The following BRD3 variants were observed in gnomAD, a reference collection of about 807,000 sequenced individuals.
BRD3 encodes bromodomain-containing protein 3.
In BRD3, 17 loss-of-function variants were observed where a neutral mutation model predicts 66.8. The ratio of observed to expected loss-of-function variants is 0.25; its 90% CI spans 0.17 to 0.38. The LOEUF is 0.38. Among genes scored for constraint, BRD3 ranks in the 10% least tolerant of loss-of-function variants. The pLI is 1.00. For missense variants in BRD3, 713 were observed against 956.1 expected, an observed-to-expected ratio of 0.75 and a Z score of 3.35; for synonymous variants, 421 against 393.2, an observed-to-expected ratio of 1.07 and a Z score of -0.84.
intron 1 of BRD3, among the ~76,000 whole-genome samples, chr9:134,067,590 G>A (rs1310542083): frequency 6.8e-6 from 1 of 146,920 alleles, no homozygotes; most frequent in Non-Finnish European, 1.5e-5. Flanking sequence ...GCGCGCGGAG[G>A]CCGGGCTGGC....
Position 134,045,178 on chromosome 9 carries a change from G to A in BRD3, c.1215+115C>T. 7.2e-7 allele frequency: 1 copy of A among 1,397,892 alleles called. No individual in the cohort carries two copies. Among genetic ancestry groups the A allele is most frequent in the Non-Finnish European group, 9.7e-7 (1 of 1,035,928 alleles). The allele number at this position is 1,397,892 out of a possible 1,614,324, so 86.6% of individuals were successfully genotyped here. A position where few individuals can be genotyped will look rare whatever the true frequency, so the allele number is the denominator to read the frequency against. ...CGGGAAAAAGGTGTTGAGGGAATGA[G>A]GCTCTCTAAGGCCTTCCTCGGCTGG... is the stretch of plus-strand genomic sequence containing the variant. On this transcript the variant is annotated intron_variant, in intron 7 of 11. Transcript: ENST00000303407. This position sits in a 1 kb window ranked among gnomAD's most constrained non-coding sequence, Gnocchi z 4.8.
At position 134,030,523 on chromosome 9, in the gene BRD3, T is replaced by TTAAGAAAAGTTACGG. The variant is rs1843496726; in HGVS notation, c.*3052_*3066dup. On this transcript the variant is annotated 3_prime_UTR_variant, in exon 12 of 12. Coordinates refer to ENST00000303407, the MANE Select transcript of BRD3 (RefSeq NM_007371.4). ...TATACTAGAAACGGCACTAAAAAGT[T>TTAAGAAAAGTTACGG]TAAGAAAAGTTACGGTAAACTTGCA... 2 of 209,418 alleles carry TTAAGAAAAGTTACGG rather than the reference T, an allele frequency of 9.6e-6. No homozygotes were observed. The highest frequency in any genetic ancestry group is 1.4e-4 in the East Asian group (2 of 13,924). The allele number at this position is 209,418 out of a possible 1,614,324, so 13.0% of individuals were successfully genotyped here. A position where few individuals can be genotyped will look rare whatever the true frequency, so the allele number is the denominator to read the frequency against.
chr9:134,059,755 G>C (rs919979550), intron 1 of BRD3, among the ~76,000 whole-genome samples: 1 of 152,174 alleles, frequency 6.6e-6, no homozygotes, highest in Non-Finnish European at 1.5e-5. Flanking sequence ...GTGGTGAAGG[G>C]GCTCCCACAC....
At chr9:134,064,635 T>TG (rs1443887934) in intron 1 of BRD3, among the ~76,000 whole-genome samples, 5 of 151,918 alleles carry the variant, frequency 3.3e-5, no homozygotes, top group Non-Finnish European at 7.4e-5. Flanking sequence ...CAGAGACGGG[T>TG]GGGTCACTCA....
chr9:134,037,702 TA>T (rs1055122401), intron 9 of BRD3, among the ~76,000 whole-genome samples: 3 of 137,918 alleles, frequency 2.2e-5, no homozygotes, highest in Admixed American at 7.6e-5. Flanking sequence ...TAAATAAAAG[TA>T]AAAATTTTTT....
rs201500184 is a variant in BRD3, at chr9:134,033,675, G to A, written c.2096C>T (p.Pro699Leu). The change falls in exon 12 of 12, where the codon CCG becomes CTG. Residue 699 changes from proline to leucine, a missense_variant. Pro to Leu is a moderately conservative substitution (Grantham distance 98). This residue lies in a region of BRD3 where 42 missense variants were observed against 29.2 expected (regional missense o/e 1.44). Transcript: ENST00000303407. The surrounding 1 kb of genome is among the most constrained non-coding windows in gnomAD (Gnocchi z 5.1). ...EKPGSAPSGG[P>L]SRLSSSSSSE... ...GGAGCTGCTGCTGCTGAGCCTGGAC[G>A]GGCCCCCTGAGGGTGCTGAGCCGGG... The A allele has an allele frequency of 6.8e-5, 52 of 761,906 alleles. No individual in the cohort carries two copies. Among genetic ancestry groups the A allele is most frequent in the Non-Finnish European group, 8.3e-5 (34 of 410,354 alleles). 47.2% of individuals were successfully genotyped at this position (761,906 alleles called of 1,614,324 possible).
intron 9 of BRD3, 70 bp downstream of exon 9, chr9:134,039,964 T>C (rs1830004427): frequency 6.6e-7 from 1 of 1,521,266 alleles, no homozygotes; most frequent in African/African-American, 1.4e-5. Flanking sequence ...ATCCCAGCAC[T>C]GCTGCTACAT....
At position 134,034,724 on chromosome 9, in the gene BRD3, C is replaced by G; in HGVS notation, c.2042G>C (p.Ser681Thr). ...RLQDVSGQLSSSKKPARKEKP... is the reference protein window; with the variant it reads ...RLQDVSGQLSTSKKPARKEKP... ...ACCTTTCCGGGCGGGCTTCTTGCTG[C>G]TGCTCAGCTGCCCGCTGACATCCTG... Residue 681 changes from serine (S) to threonine (T), a missense_variant, in exon 11 of 12, where the codon AGC becomes ACC. Ser to Thr is a moderately conservative substitution (Grantham distance 58). Around this residue, in one of 5 missense-constraint regions of BRD3, gnomAD observed 418 missense variants for 609.3 expected, o/e 0.69. Transcript: ENST00000303407. 6.2e-7 allele frequency: 1 copy of G among 1,607,240 alleles called. No individual in the cohort carries two copies. Among genetic ancestry groups the G allele is most frequent in the East Asian group, 2.2e-5 (1 of 44,886 alleles).
In BRD3 at chr9:134,041,849, T is replaced by C; in HGVS notation, c.1318A>G (p.Ser440Gly). 6.2e-7 allele frequency: 1 copy of C among 1,613,014 alleles called. No homozygotes were observed. The highest frequency in any genetic ancestry group is 8.5e-7 in the Non-Finnish European group (1 of 1,179,798). Reference sequence around the variant, plus strand: ...GAAGAGCTCTCCTCACTGCTACGGCTGCTCTCAGCGCCCTTGCTCACCATG... The same window carrying C: ...GAAGAGCTCTCCTCACTGCTACGGCCGCTCTCAGCGCCCTTGCTCACCATG... ...APMVSKGAESSRSSEESSSDS... is the reference protein window; with the variant it reads ...APMVSKGAESGRSSEESSSDS... Residue 440 changes from serine (S) to glycine (G), a missense_variant, in exon 8 of 12, where the codon AGC becomes GGC. By Grantham distance (56) the Ser-to-Gly change is moderately conservative. Around this residue, in one of 5 missense-constraint regions of BRD3, gnomAD observed 418 missense variants for 609.3 expected, o/e 0.69. Transcript: ENST00000303407.
rs151326744 is a variant in BRD3, at chr9:134,052,382, T to C, written c.275A>G (p.Asn92Ser). 39 of 1,613,008 alleles carry C rather than the reference T, an allele frequency of 2.4e-5. No individual in the cohort carries two copies. In the African/African-American group the frequency reaches 4.9e-4, roughly 20 times the overall value. The change falls in exon 3 of 12, where the codon AAT becomes AGT. Residue 92 changes from asparagine (N) to serine (S), a missense_variant. Physicochemically the swap from Asn to Ser is conservative, Grantham distance 46 (BLOSUM62 1). Coordinates refer to ENST00000303407, the MANE Select transcript of BRD3 (RefSeq NM_007371.4). ...DMGTIKKRLENNYYWSASECM... is the reference protein window; with the variant it reads ...DMGTIKKRLESNYYWSASECM... ...TTCGCTTGCACTCCAATAATAATTATTTTCTAGTCTCTTCTTAATAGTCCC... is the reference window on the plus strand; with the variant it reads ...TTCGCTTGCACTCCAATAATAATTACTTTCTAGTCTCTTCTTAATAGTCCC...
intron 3 of BRD3, 85 bp from the exon 4 acceptor site, chr9:134,051,794 T>A (rs1830302382): frequency 6.8e-7 from 1 of 1,459,888 alleles, no homozygotes; most frequent in Non-Finnish European, 9.1e-7. Flanking sequence ...CTCAAAAAAA[T>A]ATTTAAAATT....
At position 134,055,356 on chromosome 9, in the gene BRD3, C is replaced by T. The variant is rs552344083; in HGVS notation, c.-113-1766G>A. Reference sequence around the variant, plus strand: ...CCTGGTTGGTGGGGCCTGGGGTGACCGAGTCCTGAGACCTGTGTCCTGTCT... The same window carrying T: ...CCTGGTTGGTGGGGCCTGGGGTGACTGAGTCCTGAGACCTGTGTCCTGTCT... On this transcript the variant is annotated intron_variant, in intron 1 of 11. Coordinates refer to ENST00000303407, the MANE Select transcript of BRD3 (RefSeq NM_007371.4). Among the ~76,000 whole-genome samples the T allele has an allele frequency of 2.0e-5, 3 of 152,228 alleles. No individual in the cohort carries two copies. The South Asian group carries it at 6.2e-4, about 32-fold the overall frequency.
chr9:134,050,290 G>A (rs1830261775), intron 5 of BRD3, 84 bp downstream of exon 5: 2 of 1,372,160 alleles, frequency 1.5e-6, no homozygotes, highest in Non-Finnish European at 2.0e-6. Context: ...AAAGGTGGGG[G>A]CCCCCCGCCT....
intron 1 of BRD3, chr9:134,057,186 A>G (rs1296397509): frequency 6.6e-6 from 1 of 152,260 alleles, no homozygotes; most frequent in East Asian, 1.9e-4. Flanking sequence ...GCTTCCACAA[A>G]GAAATTACAA....
At chr9:134,043,301 T>G (rs576310140) in intron 7 of BRD3, among the ~76,000 whole-genome samples, 43 of 152,308 alleles carry the variant, frequency 2.8e-4, no homozygotes, top group African/African-American at 1.0e-3. Context: ...GGAAAGCCTT[T>G]GGACCAGGAC....
rs201117118 is a variant in BRD3, at chr9:134,045,453, G to A, written c.1087-32C>T. ...CACACAGTGACAGGGGCCAGTGAGC[G>A]TGGCCCGTGGCATCAGGACTCTCTG... is the stretch of plus-strand genomic sequence containing the variant. On this transcript the variant is annotated intron_variant, in intron 6 of 11. Transcript: ENST00000303407. This position sits in a 1 kb window ranked among gnomAD's most constrained non-coding sequence, Gnocchi z 4.8. 7.4e-6 allele frequency: 12 copies of A among 1,612,156 alleles called. No homozygotes were observed. The highest frequency in any genetic ancestry group is 4.4e-5 in the South Asian group (4 of 91,068).
At chr9:134,062,017 A>G (rs1235140478) in intron 1 of BRD3, among the ~76,000 whole-genome samples, 1 of 152,186 alleles carries the variant, frequency 6.6e-6, no homozygotes, top group Non-Finnish European at 1.5e-5. Flanking sequence ...GACTCGGGAA[A>G]CTGGATCTGT....
intron 8 of BRD3, 133 bp from the exon 9 acceptor site, chr9:134,040,402 G>T: frequency 4.0e-6 from 4 of 996,964 alleles, no homozygotes; most frequent in Non-Finnish European, 4.4e-6. Flanking sequence ...TGAACCAGGA[G>T]CACCTGGGCC....
chr9:134,044,328 G>A (rs1311510005), intron 7 of BRD3, among the ~76,000 whole-genome samples: 7 of 152,162 alleles, frequency 4.6e-5, no homozygotes, highest in Admixed American at 2.0e-4. Flanking sequence ...GACCCACAGG[G>A]GGAACGAGTT....
Sources: gnomAD v4.1 joint callset for allele counts (sites outside exome capture counted in the v4.1 genomes callset) on GRCh38, gnomAD v4.1.1 for gene constraint, gnomAD v4.1.1 regional missense constraint, Gnocchi (gnomAD v3.1) non-coding constraint, MANE v1.5 for transcripts, NCBI Gene and HGNC (gene_info 2026-07-23, HGNC 2026-07-21) for gene names.